LINGO1: variants seen among roughly 807,000 people sequenced by gnomAD.
LINGO1 encodes leucine-rich repeat and immunoglobulin-like domain-containing nogo receptor-interacting protein 1.
Under a neutral mutation model 37.3 loss-of-function variants are expected in LINGO1, and 11 were observed. The observed-to-expected ratio is 0.29, with a 90% CI of 0.19 to 0.49. The LOEUF (loss-of-function observed/expected upper bound fraction) is 0.49, where lower values mean the gene tolerates loss of function less well. Ranked by LOEUF, LINGO1 falls within the 20% of genes least tolerant of loss-of-function variation. The pLI, the probability that LINGO1 is intolerant of heterozygous loss-of-function variation, is 0.99. For synonymous variants in LINGO1, 387 were observed against 403.0 expected (o/e 0.96, Z 0.48); for missense variants, 585 against 878.2 (o/e 0.67, Z 4.22).
intron 2 of LINGO1, among the ~76,000 whole-genome samples, chr15:77,679,459 T>C (rs1186359963): frequency 6.6e-6 from 1 of 152,176 alleles, no homozygotes; most frequent in East Asian, 1.9e-4. Context: ...GAGGTGGTGA[T>C]AGCTAACATT....
intron 2 of LINGO1, among the ~76,000 whole-genome samples, chr15:77,715,672 A>G (rs1365215666): frequency 6.6e-6 from 1 of 152,240 alleles, no homozygotes; most frequent in Non-Finnish European, 1.5e-5. Flanking sequence ...ACTAAACACT[A>G]GCCCAGCCCC....
intron 2 of LINGO1, among the ~76,000 whole-genome samples, chr15:77,711,890 G>C (rs994307394): frequency 5.9e-5 from 9 of 151,908 alleles, no homozygotes; most frequent in African/African-American, 2.2e-4. Flanking sequence ...CTGAGGGGGG[G>C]GCACACAGCG....
intron 2 of LINGO1, among the ~76,000 whole-genome samples, chr15:77,721,379 C>T (rs1352479709): frequency 6.6e-6 from 1 of 152,102 alleles, no homozygotes; most frequent in African/African-American, 2.4e-5. Flanking sequence ...TCGGCTCACA[C>T]ATTCATCCTG....
chr15:77,705,302 C>T (rs912347627), intron 2 of LINGO1, among the ~76,000 whole-genome samples: 1 of 152,114 alleles, frequency 6.6e-6, no homozygotes, highest in Admixed American at 6.5e-5. Context: ...TGGAGATGCT[C>T]CTTGGCTCCC....
chr15:77,796,434 G>A (rs2076873954), intron 1 of LINGO1, among the ~76,000 whole-genome samples: 1 of 152,186 alleles, frequency 6.6e-6, no homozygotes. Flanking sequence ...CTGTGGCCCT[G>A]CAAAAGCCAC....
intron 1 of LINGO1, among the ~76,000 whole-genome samples, chr15:77,814,330 C>A (rs2077031386): frequency 2.0e-5 from 3 of 152,202 alleles, no homozygotes; most frequent in Non-Finnish European, 4.4e-5. Context: ...TCCCACCGTG[C>A]CCTCAGTTTT....
At chr15:77,717,338 G>A (rs1302038266) in intron 2 of LINGO1, among the ~76,000 whole-genome samples, 1 of 150,792 alleles carries the variant, frequency 6.6e-6, no homozygotes, top group African/African-American at 2.4e-5. Context: ...GAGGTGAGGG[G>A]GGGCAGCCCC....
At chr15:77,807,185 A>G (rs186202788) in intron 1 of LINGO1, among the ~76,000 whole-genome samples, 1 of 152,098 alleles carries the variant, frequency 6.6e-6, no homozygotes, top group African/African-American at 2.4e-5. Context: ...TTCCCCGAGT[A>G]CCCCGGCATG....
intron 1 of LINGO1, among the ~76,000 whole-genome samples, chr15:77,695,686 C>G (rs1296147532): frequency 6.6e-6 from 1 of 152,076 alleles, no homozygotes; most frequent in Non-Finnish European, 1.5e-5. Flanking sequence ...GCCATCTGCC[C>G]AGCCTCCCCC....
chr15:77,747,049 C>G lies in LINGO1; in HGVS notation c.-256-11996G>C, dbSNP rs183487216. Among the ~76,000 whole-genome samples the G allele has an allele frequency of 2.0e-5, 3 of 152,314 alleles. No individual in the cohort carries two copies. The East Asian group carries it at 5.8e-4, about 29-fold the overall frequency. On this transcript the variant is annotated intron_variant, in intron 1 of 3. Transcript: ENST00000561686. ...GGACTAGAACACAGGCACCTAGGCCCGGCCCATGGACCTCTCCCTCAGGAC... is the reference window on the plus strand; with the variant it reads ...GGACTAGAACACAGGCACCTAGGCCGGGCCCATGGACCTCTCCCTCAGGAC...
At chr15:77,751,307 C>T (rs1258027935) in intron 1 of LINGO1, among the ~76,000 whole-genome samples, 1 of 152,220 alleles carries the variant, frequency 6.6e-6, no homozygotes, top group Non-Finnish European at 1.5e-5. Context: ...CTGTGCCTGG[C>T]ACATGGTAAG....
intron 1 of LINGO1, among the ~76,000 whole-genome samples, chr15:77,741,678 T>C (rs1438901493): frequency 6.6e-6 from 1 of 152,138 alleles, no homozygotes; most frequent in Non-Finnish European, 1.5e-5. Context: ...CGCAGACAAG[T>C]AGCTTCCCGC....
At chr15:77,793,342 C>A (rs573408616) in intron 2 of LINGO1, among the ~76,000 whole-genome samples, 4 of 152,160 alleles carry the variant, frequency 2.6e-5, no homozygotes, top group African/African-American at 9.7e-5. Flanking sequence ...ACTGGAGCAC[C>A]GAGGGAGGGA....
chr15:77,701,716 C>T (rs1179561728), intron 2 of LINGO1, among the ~76,000 whole-genome samples: 2 of 152,170 alleles, frequency 1.3e-5, no homozygotes, highest in Non-Finnish European at 2.9e-5. Context: ...ACCCATGGCT[C>T]CCTCACTTCC....
intron 1 of LINGO1, among the ~76,000 whole-genome samples, chr15:77,625,294 C>T (rs750545955): frequency 7.2e-5 from 11 of 152,176 alleles, no homozygotes; most frequent in African/African-American, 9.7e-5. Context: ...GTAAACCCCT[C>T]GTAGGTGGCC....
At chr15:77,696,801 C>A (rs1446405561), upstream of LINGO1, among the ~76,000 whole-genome samples, 1 of 152,250 alleles carries the variant, frequency 6.6e-6, no homozygotes, top group African/African-American at 2.4e-5. Flanking sequence ...CTTCCCAACC[C>A]CCACCCACAC....
rs749685053 is a variant in LINGO1 at position 77,646,415 on chromosome 15, C to T, written c.-12-30515G>A. The T allele has an allele frequency of 6.6e-5, 30 of 455,354 alleles. No homozygotes were observed. In the East Asian group the frequency reaches 7.0e-4, roughly 11 times the overall value. The allele number at this position is 455,354 out of a possible 1,614,324, so 28.2% of individuals were successfully genotyped here. A position where few individuals can be genotyped will look rare whatever the true frequency, so the allele number is the denominator to read the frequency against. On this transcript the variant is annotated intron_variant, in intron 3 of 3. Transcript: ENST00000559893. ...CACCCCTCTGTCATGGTGATCAAGACGGCTAGGGGGCAGGGAAGGCGAGAA... is the reference window on the plus strand; with the variant it reads ...CACCCCTCTGTCATGGTGATCAAGATGGCTAGGGGGCAGGGAAGGCGAGAA...
chr15:77,664,172 C>CGCGCGCGCGCGCGCGT (rs2075073335), intron 3 of LINGO1, among the ~76,000 whole-genome samples: 1 of 77,592 alleles, frequency 1.3e-5, no homozygotes, highest in African/African-American at 7.2e-5. Flanking sequence ...TGTGTGTGTG[C>CGCGCGCGCGCGCGCGT]GCGCGCGCAT....
In LINGO1 at chr15:77,815,652, C is replaced by T. The variant is rs114836532; in HGVS notation, c.-458+4606G>A. ...TATGACTTCAGGACACTTGCCACCT[C>T]TGTATGCCCAGGTGGTAGGACTGGT... On this transcript the variant is annotated intron_variant, in intron 1 of 5. Transcript: ENST00000562933. Among the ~76,000 whole-genome samples the T allele has an allele frequency of 4.8e-3, 737 of 152,270 alleles. 5 individuals are homozygous for T. The highest frequency in any genetic ancestry group is 0.017 in the African/African-American group (698 of 41,536).
Sources: allele counts gnomAD v4.1 joint callset (sites outside exome capture counted in the v4.1 genomes callset), GRCh38; gene constraint gnomAD v4.1.1; transcripts MANE v1.5; gene names NCBI Gene and HGNC (gene_info 2026-07-23, HGNC 2026-07-21).